The following CSNK1E variants were observed in gnomAD, a reference collection of about 807,000 sequenced individuals.
CSNK1E encodes casein kinase I isoform epsilon.
In CSNK1E, 17 loss-of-function variants were observed where a neutral mutation model predicts 46.1. The observed-to-expected ratio is 0.37, with a 90% CI of 0.25 to 0.55. The LOEUF is 0.55. CSNK1E is among the 20% of genes least tolerant of loss of function. CSNK1E has a pLI of 0.82. For missense variants in CSNK1E, 386 were observed against 595.4 expected (o/e 0.65, Z 3.66); for synonymous variants, 241 against 242.6 (o/e 0.99, Z 0.06).
rs566311255 is a variant in CSNK1E, at chr22:38,294,937, G to A, written c.886-403C>T. On this transcript the variant is annotated intron_variant, in intron 7 of 10. Coordinates refer to ENST00000396832, the MANE Select transcript of CSNK1E (RefSeq NM_152221.3). The surrounding 1 kb of genome is among the most constrained non-coding windows in gnomAD (Gnocchi z 5.5). ...CAAGGTTGCTAAACCGAGCAGGAAA[G>A]CTGTTTAGAGGCCTCTAGCAGACTG... is the stretch of plus-strand genomic sequence containing the variant. Among the ~76,000 whole-genome samples, 3 of 152,340 alleles carry A rather than the reference G, an allele frequency of 2.0e-5. No individual in the cohort carries two copies. The highest frequency in any genetic ancestry group is 2.0e-4 in the Admixed American group (3 of 15,304).
intron 1 of CSNK1E, 137 bp downstream of exon 1, chr22:38,317,023 C>G (rs971030320): frequency 6.6e-6 from 1 of 152,076 alleles, no homozygotes; most frequent in Non-Finnish European, 1.5e-5. Context: ...CCGGGCTGCC[C>G]CCCCTACACC....
chr22:38,316,147 G>C (rs2092744657), intron 1 of CSNK1E, among the ~76,000 whole-genome samples: 1 of 152,120 alleles, frequency 6.6e-6, no homozygotes, highest in South Asian at 2.1e-4. Context: ...TGGATATAAA[G>C]GTTCAAGAGT....
Position 38,291,707 on chromosome 22 carries a change from C to G in CSNK1E, c.*264G>C, listed in dbSNP as rs974137689. 1 of 152,408 alleles carries G rather than the reference C, an allele frequency of 6.6e-6. No homozygotes were observed. Among genetic ancestry groups the G allele is most frequent in the Admixed American group, 6.6e-5 (1 of 15,264 alleles). The allele number at this position is 152,408 out of a possible 1,614,324, so 9.4% of individuals were successfully genotyped here. On this transcript the variant is annotated 3_prime_UTR_variant, in exon 11 of 11. Transcript: ENST00000396832. ...GGCCCTGGCGTCTGGCTCCTGTAGC[C>G]TGGTGTTGTCAGGGGAGCATCTGGC...
At position 38,300,641 on chromosome 22, in the gene CSNK1E, G is replaced by T. The variant is rs925172606; in HGVS notation, c.565+83C>A. Reference sequence around the variant, plus strand: ...GAAAAGAGCCTGGGGGCCTCCATCAGGGTAGGGGGTGAGAGGGCTCCAGAG... The same window carrying T: ...GAAAAGAGCCTGGGGGCCTCCATCATGGTAGGGGGTGAGAGGGCTCCAGAG... On this transcript the variant is annotated intron_variant, in intron 5 of 10. Coordinates refer to ENST00000396832, the MANE Select transcript of CSNK1E (RefSeq NM_152221.3). The surrounding 1 kb of genome is among the most constrained non-coding windows in gnomAD (Gnocchi z 4.4). 3 of 1,353,786 alleles carry T rather than the reference G, an allele frequency of 2.2e-6. No individual in the cohort carries two copies. The highest frequency in any genetic ancestry group is 1.9e-5 in the Admixed American group (1 of 53,620). 83.9% of individuals were successfully genotyped at this position (1,353,786 alleles called of 1,614,324 possible).
At chr22:38,297,074 G>T in intron 7 of CSNK1E, 1 of 763,330 alleles carries the variant, frequency 1.3e-6, no homozygotes, top group South Asian at 1.4e-5. Flanking sequence ...AGGCCTGGCC[G>T]ACATTTCCAG....
rs1261793779 is a variant in CSNK1E, at chr22:38,291,701, T to G, written c.*270A>C. On this transcript the variant is annotated 3_prime_UTR_variant, in exon 11 of 11. Coordinates refer to ENST00000396832, the MANE Select transcript of CSNK1E (RefSeq NM_152221.3). ...CGGGCAGGCCCTGGCGTCTGGCTCC[T>G]GTAGCCTGGTGTTGTCAGGGGAGCA... is the stretch of plus-strand genomic sequence containing the variant. 6.6e-6 allele frequency: 1 copy of G among 152,378 alleles called. No individual in the cohort carries two copies. The highest frequency in any genetic ancestry group is 1.5e-5 in the Non-Finnish European group (1 of 68,106). 9.4% of individuals were successfully genotyped at this position (152,378 alleles called of 1,614,324 possible).
At chr22:38,312,887 C>T (rs1205809484) in intron 2 of CSNK1E, among the ~76,000 whole-genome samples, 1 of 152,220 alleles carries the variant, frequency 6.6e-6, no homozygotes, top group African/African-American at 2.4e-5. Context: ...CTTCCACGCT[C>T]TCACTCATGT....
intron 2 of CSNK1E, among the ~76,000 whole-genome samples, chr22:38,313,809 C>T (rs2092731470): frequency 6.6e-6 from 1 of 152,214 alleles, no homozygotes; most frequent in Non-Finnish European, 1.5e-5. Flanking sequence ...GGTGACCCAG[C>T]TGACCCGGGA....
Position 38,294,457 on chromosome 22 carries a change from C to T in CSNK1E, c.963G>A (p.Arg321=). The T allele has an allele frequency of 1.3e-6, 2 of 1,582,242 alleles. No homozygotes were observed. The highest frequency in any genetic ancestry group is 1.4e-5 in the African/African-American group (1 of 73,918). Residue 321 remains arginine (R), a synonymous_variant, in exon 8 of 11, where the codon CGG becomes CGA. Transcript: ENST00000396832. The surrounding 1 kb of genome is among the most constrained non-coding windows in gnomAD (Gnocchi z 5.5). ...HEREERMGQL[R]GSATRALPPG... is the part of the protein sequence containing the mutation. ...GGGGCAGGGCTCGGGTCGCGGACCCCCGTAGCTGCCCCATCCTCTCCTCGC... is the reference window on the plus strand; with the variant it reads ...GGGGCAGGGCTCGGGTCGCGGACCCTCGTAGCTGCCCCATCCTCTCCTCGC...
intron 1 of CSNK1E, among the ~76,000 whole-genome samples, chr22:38,316,104 GA>G (rs1175648908): frequency 3.4e-5 from 5 of 148,986 alleles, no homozygotes; most frequent in African/African-American, 1.0e-4. Flanking sequence ...TCCCATGGGG[GA>G]GGGGGGGAGA....
At chr22:38,302,755 T>A (rs985333458) in intron 4 of CSNK1E, 106 bp downstream of exon 4, 3 of 1,322,032 alleles carry the variant, frequency 2.3e-6, no homozygotes, top group African/African-American at 3.0e-5. Context: ...GTGGACAAGG[T>A]CCCCTGGCCC....
rs756318166 is a variant in CSNK1E at position 38,302,849 on chromosome 22, A to G, written c.336+12T>C. The G allele has an allele frequency of 6.2e-7, 1 of 1,613,640 alleles. No homozygotes were observed. Among genetic ancestry groups the G allele is most frequent in the South Asian group, 1.1e-5 (1 of 91,040 alleles). ...AGGCATCTGGCTGGGGATGGAGGGG[A>G]CGGGGACTCACCATCTGGTCGGCCA... is the stretch of plus-strand genomic sequence containing the variant. On this transcript the variant is annotated intron_variant, in intron 4 of 10. Coordinates refer to ENST00000396832, the MANE Select transcript of CSNK1E (RefSeq NM_152221.3).
chr22:38,310,399 TAC>T (rs746358090), intron 2 of CSNK1E, among the ~76,000 whole-genome samples: 17 of 152,080 alleles, frequency 1.1e-4, no homozygotes, highest in Non-Finnish European at 2.4e-4. Flanking sequence ...ACTTGACACC[TAC>T]ACAGACACAT....
At position 38,299,951 on chromosome 22, in the gene CSNK1E, C is replaced by A; in HGVS notation, c.680G>T (p.Arg227Leu). ...KAATKRQKYE[R>L]ISEKKMSTPI... ...CGTTGACATCTTCTTCTCGCTGATCCGTTCATACTTCTGGCGCTTGGTGGC... is the reference window on the plus strand; with the variant it reads ...CGTTGACATCTTCTTCTCGCTGATCAGTTCATACTTCTGGCGCTTGGTGGC... Residue 227 changes from arginine (R) to leucine (L), a missense_variant, in exon 6 of 11, where the codon CGG (arginine) becomes CTG (leucine). Physicochemically the swap from Arg to Leu is moderately radical, Grantham distance 102. Transcript: ENST00000396832. 6.2e-7 allele frequency: 1 copy of A among 1,614,206 alleles called. No homozygotes were observed. The highest frequency in any genetic ancestry group is 8.5e-7 in the Non-Finnish European group (1 of 1,180,030).
In CSNK1E at chr22:38,293,282, T is replaced by C. The variant is rs2092621092; in HGVS notation, c.*5A>G. The C allele has an allele frequency of 6.2e-7, 1 of 1,612,422 alleles. No homozygotes were observed. The highest frequency in any genetic ancestry group is 8.5e-7 in the Non-Finnish European group (1 of 1,179,618). ...AAGCAAACACTGGTCCAATGGGGGC[T>C]CTCCTCACTTCCCGAGATGGTCAAA... On this transcript the variant is annotated 3_prime_UTR_variant, in exon 10 of 11. Transcript: ENST00000396832.
At position 38,294,507 on chromosome 22, in the gene CSNK1E, C is replaced by T; in HGVS notation, c.913G>A (p.Asp305Asn). Residue 305 changes from aspartate (D) to asparagine (N), a missense_variant, in exon 8 of 11, where the codon GAC (aspartate) becomes AAC (asparagine). Asp to Asn is a conservative substitution (Grantham distance 23, BLOSUM62 1). Transcript: ENST00000396832. The surrounding 1 kb of genome is among the most constrained non-coding windows in gnomAD (Gnocchi z 5.5). ...FGAARNPEDV[D>N]RERREHEREE... ...CGTTCGTGTTCTCGCCGCTCCCGGTCCACATCCTCGGGATTCCGGGCTGCA... is the reference window on the plus strand; with the variant it reads ...CGTTCGTGTTCTCGCCGCTCCCGGTTCACATCCTCGGGATTCCGGGCTGCA... 1 of 1,596,302 alleles carries T rather than the reference C, an allele frequency of 6.3e-7. No homozygotes were observed.
intron 7 of CSNK1E, chr22:38,297,849 C>T (rs965145716): frequency 3.9e-6 from 4 of 1,015,838 alleles, no homozygotes; most frequent in African/African-American, 1.7e-5. Context: ...CTTCCTCAGG[C>T]CTGGCCCCGA....
chr22:38,312,884 G>A (rs190948955), intron 2 of CSNK1E, among the ~76,000 whole-genome samples: 50 of 152,272 alleles, frequency 3.3e-4, no homozygotes, highest in African/African-American at 1.2e-3. Flanking sequence ...TGTCTTCCAC[G>A]CTCTCACTCA....
intron 7 of CSNK1E, chr22:38,296,532 C>G: frequency 6.2e-7 from 1 of 1,605,466 alleles, no homozygotes; most frequent in Non-Finnish European, 8.5e-7. Flanking sequence ...GGAGGTGGTT[C>G]AGCTCACTAC....
Sources: allele counts gnomAD v4.1 joint callset (sites outside exome capture counted in the v4.1 genomes callset), GRCh38; gene constraint gnomAD v4.1.1; non-coding constraint Gnocchi (gnomAD v3.1); transcripts MANE v1.5; gene names NCBI Gene and HGNC (gene_info 2026-07-23, HGNC 2026-07-21).